Variants in ARID5B observed in about 807,000 individuals in gnomAD.
The protein encoded by ARID5B is AT-rich interaction domain 5B.
A neutral mutation model predicts 97.2 loss-of-function variants in ARID5B; 13 were observed. The ratio of observed to expected loss-of-function variants is 0.13; its 90% CI spans 0.09 to 0.21. The LOEUF (loss-of-function observed/expected upper bound fraction) is 0.21. Ranked by LOEUF, ARID5B falls within the 10% of genes least tolerant of loss-of-function variation. The probability of loss-of-function intolerance (pLI) is 1.00; values close to 1 mark genes in which losing one functional copy is unlikely to be tolerated. For synonymous variants in ARID5B, 556 were observed against 570.3 expected, an observed-to-expected ratio of 0.97 and a Z score of 0.36; for missense variants, 1,210 against 1,465.3, an observed-to-expected ratio of 0.83 and a Z score of 2.84.
intron 4 of ARID5B, among the ~76,000 whole-genome samples, chr10:62,039,069 G>C (rs1355546434): frequency 1.3e-5 from 2 of 152,184 alleles, no homozygotes; most frequent in Non-Finnish European, 2.9e-5. Context: ...CTTTTGTGCA[G>C]ACCCCATGTG....
chr10:61,914,988 A>G (rs1843875767), intron 2 of ARID5B, among the ~76,000 whole-genome samples: 1 of 152,220 alleles, frequency 6.6e-6, no homozygotes, highest in South Asian at 2.1e-4. Flanking sequence ...TCTCAATATC[A>G]GCACTGGGGT....
At chr10:62,073,653 C>T (rs1840093212) in intron 8 of ARID5B, among the ~76,000 whole-genome samples, 1 of 152,178 alleles carries the variant, frequency 6.6e-6, no homozygotes, top group African/African-American at 2.4e-5. Context: ...TACCAGGCTC[C>T]TGGCCATAGT....
At chr10:62,062,158 A>C (rs1450762416) in intron 7 of ARID5B, among the ~76,000 whole-genome samples, 1 of 152,238 alleles carries the variant, frequency 6.6e-6, no homozygotes, top group African/African-American at 2.4e-5. Context: ...TTTTGAAGTC[A>C]GTCCAGGAGA....
chr10:61,945,673 C>A (rs1002137770), intron 3 of ARID5B, among the ~76,000 whole-genome samples: 1 of 152,080 alleles, frequency 6.6e-6, no homozygotes, highest in Admixed American at 6.5e-5. Flanking sequence ...ATGTACCTGG[C>A]TGTTTCTCAT....
intron 3 of ARID5B, among the ~76,000 whole-genome samples, chr10:61,962,141 G>A (rs1461657220): frequency 1.3e-5 from 2 of 152,188 alleles, no homozygotes; most frequent in East Asian, 1.9e-4. Context: ...ATTGCATAAC[G>A]TTGCACAACT....
intron 7 of ARID5B, among the ~76,000 whole-genome samples, chr10:62,061,583 G>A (rs2132944238): frequency 6.6e-6 from 1 of 152,224 alleles, no homozygotes; most frequent in Middle Eastern, 3.4e-3. Flanking sequence ...CAGATGCTAT[G>A]CCCTCCCATG....
At chr10:61,993,355 C>G (rs1838953547) in intron 3 of ARID5B, among the ~76,000 whole-genome samples, 1 of 152,170 alleles carries the variant, frequency 6.6e-6, no homozygotes, top group African/African-American at 2.4e-5. Context: ...GAATTTTAAA[C>G]ACTTTCAACC....
At chr10:61,985,093 T>G (rs190079861) in intron 3 of ARID5B, among the ~76,000 whole-genome samples, 3 of 151,882 alleles carry the variant, frequency 2.0e-5, no homozygotes, top group Non-Finnish European at 1.5e-5. Flanking sequence ...CCTGGGGAGT[T>G]TCTATGTATC....
At position 62,091,911 on chromosome 10, in the gene ARID5B, A is replaced by G. The variant is rs1477130085; in HGVS notation, c.2448A>G (p.Lys816=). The stretch of plus-strand genomic sequence containing the variant: ...AGGGCAAGGATAAACTCTTAGAGAA[A>G]AGGGCCCTCCCCCATTCCCACATGC... ...IQEGKDKLLE[K]RALPHSHMPS... The change falls in exon 10 of 10, where the codon AAA becomes AAG. Residue 816 remains lysine, a synonymous_variant. Transcript: ENST00000279873. 6.2e-7 allele frequency: 1 copy of G among 1,613,976 alleles called. No homozygotes were observed. Among genetic ancestry groups the G allele is most frequent in the Admixed American group, 1.7e-5 (1 of 60,002 alleles).
At chr10:61,908,822 AG>A (rs1440722883) in intron 2 of ARID5B, among the ~76,000 whole-genome samples, 3 of 145,874 alleles carry the variant, frequency 2.1e-5, no homozygotes, top group South Asian at 2.1e-4. Context: ...AAAAAAAAAA[AG>A]AAGAAGAAGA....
At chr10:61,942,812 A>G (rs1022827531) in intron 3 of ARID5B, among the ~76,000 whole-genome samples, 2 of 152,122 alleles carry the variant, frequency 1.3e-5, no homozygotes, top group Admixed American at 6.6e-5. Context: ...AAAACAAAAC[A>G]AAACAAAAAA....
intron 2 of ARID5B, among the ~76,000 whole-genome samples, chr10:61,914,865 G>A (rs1175675430): frequency 3.9e-5 from 6 of 152,186 alleles, no homozygotes; most frequent in Non-Finnish European, 8.8e-5. Context: ...CTTGCCCAAG[G>A]TCACACATAG....
chr10:62,065,845 CAAA>C (rs60296263), intron 7 of ARID5B, among the ~76,000 whole-genome samples: 10 of 88,656 alleles, frequency 1.1e-4, no homozygotes, highest in Non-Finnish European at 1.3e-4. Flanking sequence ...GACTCTGTCT[CAAA>C]AAAAAAAAAA....
intron 8 of ARID5B, among the ~76,000 whole-genome samples, chr10:62,079,385 G>A (rs956021543): frequency 6.6e-6 from 1 of 152,170 alleles, no homozygotes; most frequent in Non-Finnish European, 1.5e-5. Flanking sequence ...TAATATATCT[G>A]TAGATATTTC....
chr10:61,964,566 AATACTCC>A (rs1479597704), intron 3 of ARID5B, among the ~76,000 whole-genome samples: 3 of 152,206 alleles, frequency 2.0e-5, no homozygotes, highest in African/African-American at 7.2e-5. Context: ...TAAGGAATTG[AATACTCC>A]ATTCTTTAAA....
intron 3 of ARID5B, among the ~76,000 whole-genome samples, chr10:61,940,967 T>TATA (rs1564608344): frequency 9.3e-5 from 2 of 21,580 alleles, no homozygotes; most frequent in African/African-American, 1.9e-4. Context: ...ATATATATAT[T>TATA]TTTTTTTTTT....
chr10:61,903,661 A>G (rs999840418), intron 2 of ARID5B, among the ~76,000 whole-genome samples: 4 of 152,158 alleles, frequency 2.6e-5, no homozygotes, highest in African/African-American at 4.8e-5. Flanking sequence ...TTTTTGTTAA[A>G]TGAATGGTTT....
intron 8 of ARID5B, among the ~76,000 whole-genome samples, chr10:62,084,151 C>T (rs1256529799): frequency 6.6e-6 from 1 of 152,172 alleles, no homozygotes; most frequent in Non-Finnish European, 1.5e-5. Context: ...ATGTAGGGCT[C>T]CAAAGTATTA....
intron 8 of ARID5B, among the ~76,000 whole-genome samples, chr10:62,084,153 A>G (rs1232357073): frequency 2.0e-5 from 3 of 152,214 alleles, no homozygotes; most frequent in African/African-American, 4.8e-5. Flanking sequence ...GTAGGGCTCC[A>G]AAGTATTATT....
Sources: gnomAD v4.1 joint callset for allele counts (sites outside exome capture counted in the v4.1 genomes callset) on GRCh38, gnomAD v4.1.1 for gene constraint, MANE v1.5 for transcripts, NCBI Gene and HGNC (gene_info 2026-07-23, HGNC 2026-07-21) for gene names.